Variants in TTLL11 observed in about 807,000 individuals in gnomAD.
TTLL11 encodes the protein tubulin polyglutamylase TTLL11.
A neutral mutation model predicts 51.7 loss-of-function variants in TTLL11; 42 were observed. The ratio of observed to expected loss-of-function variants is 0.81; its 90% CI spans 0.64 to 1.05. The LOEUF is 1.05. Ranked by LOEUF, TTLL11 falls within the 50% of genes least tolerant of loss-of-function variation. The pLI is 0.00. For synonymous variants in TTLL11, 381 were observed against 383.5 expected (o/e 0.99, Z 0.08); for missense variants, 799 against 940.4 (o/e 0.85, Z 1.97).
chr9:122,016,253 C>T (rs1324876581), intron 3 of TTLL11, among the ~76,000 whole-genome samples: 2 of 152,030 alleles, frequency 1.3e-5, no homozygotes, highest in Admixed American at 6.6e-5. Context: ...GGTCTTGATG[C>T]CATTGAGTAT....
In TTLL11 at chr9:121,816,020, T is replaced by A. The variant is rs1319030117; in HGVS notation, c.*6567A>T. 6.6e-6 allele frequency: 1 copy of A among 152,138 alleles called. No homozygotes were observed. The highest frequency in any genetic ancestry group is 2.4e-5 in the African/African-American group (1 of 41,426). The allele number at this position is 152,138 out of a possible 1,614,324, so 9.4% of individuals were successfully genotyped here. A position where few individuals can be genotyped will look rare whatever the true frequency, so the allele number is the denominator to read the frequency against. On this transcript the variant is annotated 3_prime_UTR_variant, in exon 9 of 9. Coordinates refer to ENST00000321582, the MANE Select transcript of TTLL11 (RefSeq NM_001139442.2). Reference sequence around the variant, plus strand: ...CTCGACAGACATGTATTAAGACACTTCCCAGGTGCCAAGTCCCGCACCCGG... The same window carrying A: ...CTCGACAGACATGTATTAAGACACTACCCAGGTGCCAAGTCCCGCACCCGG...
At chr9:122,039,481 T>TCATATGCG in intron 1 of TTLL11, 113 bp from the exon 2 acceptor site, 1 of 724,710 alleles carries the variant, frequency 1.4e-6, no homozygotes, top group Non-Finnish European at 2.3e-6. Flanking sequence ...GGTTTAATCC[T>TCATATGCG]TATAATACGC....
At chr9:122,000,331 A>G (rs1477374569) in intron 3 of TTLL11, among the ~76,000 whole-genome samples, 1 of 151,786 alleles carries the variant, frequency 6.6e-6, no homozygotes, top group Admixed American at 6.6e-5. Context: ...TATTAGCCAG[A>G]TGTGGTGGCG....
At chr9:121,901,723 T>C (rs912155146) in intron 6 of TTLL11, among the ~76,000 whole-genome samples, 1 of 152,156 alleles carries the variant, frequency 6.6e-6, no homozygotes, top group Non-Finnish European at 1.5e-5. Flanking sequence ...GAGTTTCCAA[T>C]CTAATTTCCC....
chr9:122,040,604 T>C (rs1304424478), intron 1 of TTLL11, among the ~76,000 whole-genome samples: 1 of 152,190 alleles, frequency 6.6e-6, no homozygotes, highest in Non-Finnish European at 1.5e-5. Context: ...TCTAGGACTA[T>C]AGGTAATCAG....
Position 121,970,069 on chromosome 9 carries a change from A to G in TTLL11, c.1481+3940T>C, listed in dbSNP as rs1842510018. Among the ~76,000 whole-genome samples, 3 of 152,252 alleles carry G rather than the reference A, an allele frequency of 2.0e-5. No homozygotes were observed. In the South Asian group the frequency reaches 6.2e-4, roughly 31 times the overall value. On this transcript the variant is annotated intron_variant, in intron 6 of 8. Transcript: ENST00000321582. ...TCAGTAAATGGCGTTAGCTATTATC[A>G]TATATCTTTACATTGTAGGTAAGAA...
chr9:121,963,102 C>G (rs972833062), intron 6 of TTLL11, among the ~76,000 whole-genome samples: 1 of 151,542 alleles, frequency 6.6e-6, no homozygotes, highest in African/African-American at 2.4e-5. Context: ...CCTCTCCAAG[C>G]CTCGATGTCC....
At chr9:121,926,094 C>T (rs1342263969) in intron 6 of TTLL11, among the ~76,000 whole-genome samples, 1 of 152,178 alleles carries the variant, frequency 6.6e-6, no homozygotes, top group African/African-American at 2.4e-5. Flanking sequence ...TTAATCTTTG[C>T]AGGCAGAAGA....
At position 121,821,305 on chromosome 9, in the gene TTLL11, C is replaced by T. The variant is rs540533665; in HGVS notation, c.*1282G>A. Among the ~76,000 whole-genome samples, 3 of 152,286 alleles carry T rather than the reference C, an allele frequency of 2.0e-5. No individual in the cohort carries two copies. In the East Asian group the frequency reaches 5.8e-4, roughly 29 times the overall value. On this transcript the variant is annotated 3_prime_UTR_variant, in exon 9 of 9. Coordinates refer to ENST00000321582, the MANE Select transcript of TTLL11 (RefSeq NM_001139442.2). This position sits in a 1 kb window ranked among gnomAD's most constrained non-coding sequence, Gnocchi z 5.0. ...TGCCTCCCAGAACCCTCCCTTGCCA[C>T]GCACTACGAGCATTTTCTGAGTCCT... is the stretch of plus-strand genomic sequence containing the variant.
chr9:122,074,937 T>C (rs1360172575), intron 1 of TTLL11, among the ~76,000 whole-genome samples: 7 of 152,004 alleles, frequency 4.6e-5, no homozygotes, highest in Non-Finnish European at 1.5e-5. Flanking sequence ...AAATAGTCTG[T>C]GTTTCTAAAT....
chr9:121,874,756 ATT>A (rs35998915), intron 6 of TTLL11, among the ~76,000 whole-genome samples: 32 of 137,508 alleles, frequency 2.3e-4, no homozygotes, highest in Admixed American at 2.2e-4. Flanking sequence ...CAGAGGCATA[ATT>A]TTTTTTTTTT....
intron 8 of TTLL11, among the ~76,000 whole-genome samples, chr9:121,836,518 T>TCC (rs1564265523): frequency 6.6e-6 from 1 of 152,018 alleles, no homozygotes; most frequent in African/African-American, 2.4e-5. Flanking sequence ...GTGCAAAACC[T>TCC]CCCCCGACAC....
At chr9:122,069,815 C>T (rs1357426500) in intron 1 of TTLL11, among the ~76,000 whole-genome samples, 5 of 151,994 alleles carry the variant, frequency 3.3e-5, no homozygotes, top group African/African-American at 4.8e-5. Context: ...AGCAGTGTGA[C>T]CCCACACAAA....
At chr9:121,895,201 G>T (rs1246517160) in intron 6 of TTLL11, among the ~76,000 whole-genome samples, 1 of 152,160 alleles carries the variant, frequency 6.6e-6, no homozygotes, top group East Asian at 1.9e-4. Flanking sequence ...ATCTTGAAAA[G>T]ATGTCTGGAA....
At chr9:121,887,288 A>C (rs1224451910) in intron 6 of TTLL11, among the ~76,000 whole-genome samples, 1 of 152,208 alleles carries the variant, frequency 6.6e-6, no homozygotes, top group Non-Finnish European at 1.5e-5. Flanking sequence ...AGCTAAAAGC[A>C]ACACTCATTC....
intron 8 of TTLL11, among the ~76,000 whole-genome samples, chr9:121,826,541 A>ATATATATGTG (rs1564260550): frequency 5.2e-5 from 3 of 58,124 alleles, no homozygotes; most frequent in African/African-American, 3.2e-4. Context: ...GTGTGTGTAT[A>ATATATATGTG]TATATATATG....
rs1839189712 is a variant in TTLL11, at chr9:121,890,566, C to G, written c.1482-19818G>C. On this transcript the variant is annotated intron_variant, in intron 6 of 8. Transcript: ENST00000321582. This position sits in a 1 kb window ranked among gnomAD's most constrained non-coding sequence, Gnocchi z 4.3. ...TCTTCCCAGCCCTCCAGAGCTCTCC[C>G]TGCTTCATTTTCTCCATAGCGCTCA... 6.6e-6 allele frequency among the ~76,000 whole-genome samples: 1 copy of G among 152,182 alleles called. No homozygotes were observed. Among genetic ancestry groups the G allele is most frequent in the Non-Finnish European group, 1.5e-5 (1 of 68,048 alleles).
At chr9:121,864,269 G>A (rs1838112594) in intron 7 of TTLL11, among the ~76,000 whole-genome samples, 1 of 152,170 alleles carries the variant, frequency 6.6e-6, no homozygotes, top group South Asian at 2.1e-4. Flanking sequence ...GACTATACGT[G>A]ATCTTAGAGT....
At chr9:122,023,548 T>C (rs1265754863) in intron 3 of TTLL11, among the ~76,000 whole-genome samples, 1 of 151,896 alleles carries the variant, frequency 6.6e-6, no homozygotes. Flanking sequence ...ATAAAGAACA[T>C]TTTAGTAAAT....
Sources: gnomAD v4.1 joint callset for allele counts (sites outside exome capture counted in the v4.1 genomes callset) on GRCh38, gnomAD v4.1.1 for gene constraint, Gnocchi (gnomAD v3.1) non-coding constraint, MANE v1.5 for transcripts, NCBI Gene and HGNC (gene_info 2026-07-23, HGNC 2026-07-21) for gene names.